KIF5C: variants seen among roughly 807,000 people sequenced by gnomAD.
KIF5C encodes the protein kinesin family member 5C, also known as kinesin heavy chain isoform 5C.
A neutral mutation model predicts 125.2 loss-of-function variants in KIF5C; 18 were observed. That is an observed-to-expected ratio of 0.14 (90% CI 0.10 to 0.21). The LOEUF is 0.21. Ranked by LOEUF, KIF5C falls within the 10% of genes least tolerant of loss-of-function variation. The probability of loss-of-function intolerance (pLI) is 1.00; values close to 1 mark genes in which losing one functional copy is unlikely to be tolerated. For synonymous variants in KIF5C, 405 were observed against 434.0 expected (o/e 0.93, Z 0.83); for missense variants, 780 against 1,183.8 (o/e 0.66, Z 5.01).
intron 4 of KIF5C, 59 bp downstream of exon 4, chr2:148,937,447 A>G (rs878980616): frequency 3.9e-6 from 6 of 1,521,410 alleles, no homozygotes; most frequent in Admixed American, 2.2e-5. Flanking sequence ...CGTTTCTTAT[A>G]CCTCCTCCTT....
chr2:148,890,082 A>G (rs1027232955), intron 1 of KIF5C, among the ~76,000 whole-genome samples: 2 of 152,196 alleles, frequency 1.3e-5, no homozygotes, highest in African/African-American at 4.8e-5. Context: ...CTTAACTATC[A>G]TGTTGAGTAC....
intron 7 of KIF5C, among the ~76,000 whole-genome samples, chr2:148,944,069 A>G (rs1299840576): frequency 3.3e-5 from 5 of 152,202 alleles, no homozygotes; most frequent in Admixed American, 3.3e-4. Context: ...GGCATACCTG[A>G]TAATCCATTT....
At position 149,005,927 on chromosome 2, in the gene KIF5C, A is replaced by G. The variant is rs1435373810; in HGVS notation, c.2445+463A>G. On this transcript the variant is annotated intron_variant, in intron 22 of 25. Transcript: ENST00000435030. ...TATTTGCTTTTCCCAGCAACCATGTAAGTGGTGCTTAGTGTTCCTGTTTCT... is the reference window on the plus strand; with the variant it reads ...TATTTGCTTTTCCCAGCAACCATGTGAGTGGTGCTTAGTGTTCCTGTTTCT... Among the ~76,000 whole-genome samples the G allele has an allele frequency of 2.6e-5, 4 of 152,194 alleles. No individual in the cohort carries two copies. In the South Asian group the frequency reaches 8.3e-4, roughly 32 times the overall value.
intron 11 of KIF5C, among the ~76,000 whole-genome samples, chr2:148,966,296 A>G (rs1230106347): frequency 6.6e-6 from 1 of 152,028 alleles, no homozygotes; most frequent in African/African-American, 2.4e-5. Flanking sequence ...TGGCTGCTAT[A>G]CTTCAGCTGC....
At chr2:148,905,040 A>G (rs150106456) in intron 1 of KIF5C, among the ~76,000 whole-genome samples, 115 of 152,326 alleles carry the variant, frequency 7.5e-4, no homozygotes, top group African/African-American at 2.7e-3. Flanking sequence ...TTGACATGCA[A>G]TGTTTCTAGC....
At chr2:148,921,629 A>T (rs751706315) in intron 1 of KIF5C, among the ~76,000 whole-genome samples, 5 of 152,190 alleles carry the variant, frequency 3.3e-5, no homozygotes, top group Non-Finnish European at 5.9e-5. Flanking sequence ...CTGTAAAGAT[A>T]CACTTAAGTG....
intron 12 of KIF5C, among the ~76,000 whole-genome samples, chr2:148,974,018 C>T (rs144692132): frequency 3.9e-5 from 6 of 152,238 alleles, no homozygotes; most frequent in East Asian, 3.9e-4. Context: ...GCTCTTTTCA[C>T]GGGTATATTC....
intron 2 of KIF5C, 28 bp downstream of exon 2, chr2:148,922,255 G>A (rs1170621986): frequency 6.9e-7 from 1 of 1,453,430 alleles, no homozygotes; most frequent in Admixed American, 1.8e-5. Context: ...ATTTCCTCCT[G>A]GGCCATTCAG....
At chr2:148,954,161 T>C (rs1682737409) in intron 10 of KIF5C, among the ~76,000 whole-genome samples, 1 of 152,050 alleles carries the variant, frequency 6.6e-6, no homozygotes, top group South Asian at 2.1e-4. Flanking sequence ...GAATGATGGT[T>C]TCCAGCATTC....
intron 7 of KIF5C, among the ~76,000 whole-genome samples, chr2:148,944,531 C>T (rs1307303552): frequency 5.3e-5 from 8 of 152,248 alleles, no homozygotes; most frequent in Admixed American, 3.3e-4. Flanking sequence ...TTAAAAAATT[C>T]GTTTAACCAT....
chr2:148,983,074 G>A (rs1376707990), intron 14 of KIF5C, among the ~76,000 whole-genome samples: 5 of 152,050 alleles, frequency 3.3e-5, no homozygotes, highest in Non-Finnish European at 7.4e-5. Context: ...GGTGAAGGGT[G>A]TTTAATTCAG....
rs753080097 is a variant in KIF5C at position 148,994,404 on chromosome 2, TTTTTGC to T, written c.1906-14_1906-9del. On this transcript the variant is annotated splice_polypyrimidine_tract_variant and intron_variant, in intron 16 of 25. Coordinates refer to ENST00000435030, the MANE Select transcript of KIF5C (RefSeq NM_004522.3). ...CCACTTGCTAGTCATTCACTCTTCC[TTTTTGC>T]TTGTTTAAAGCACGAAGCCAAGATC... The T allele has an allele frequency of 6.4e-7, 1 of 1,551,382 alleles. No individual in the cohort carries two copies. The highest frequency in any genetic ancestry group is 8.7e-7 in the Non-Finnish European group (1 of 1,147,250).
chr2:148,959,552 C>T (rs575294476), intron 10 of KIF5C, among the ~76,000 whole-genome samples: 3 of 152,242 alleles, frequency 2.0e-5, no homozygotes, highest in South Asian at 2.1e-4. Flanking sequence ...GTGAAGGCCC[C>T]GCTTGCCCCA....
rs562537773 is a variant in KIF5C at position 148,932,375 on chromosome 2, C to G, written c.291+3021C>G. 1.8e-4 allele frequency among the ~76,000 whole-genome samples: 28 copies of G among 152,300 alleles called. 1 individual carries two copies. The South Asian group carries it at 5.8e-3, about 32-fold the overall frequency. ...CCTTGTATTGAGGGGAACAAACAGA[C>G]AAGCCTACATAAAATTGGAAATATT... On this transcript the variant is annotated intron_variant, in intron 3 of 25. Coordinates refer to ENST00000435030, the MANE Select transcript of KIF5C (RefSeq NM_004522.3).
intron 24 of KIF5C, 77 bp from the exon 25 acceptor site, chr2:149,011,493 T>G: frequency 1.2e-5 from 19 of 1,560,698 alleles, no homozygotes; most frequent in Non-Finnish European, 1.6e-5. Context: ...TTGTCACAGG[T>G]GACCTGTAGA....
chr2:148,922,838 T>TAGCC (rs1296748891), intron 2 of KIF5C, among the ~76,000 whole-genome samples: 13 of 152,208 alleles, frequency 8.5e-5, no homozygotes, highest in Non-Finnish European at 1.6e-4. Context: ...TCCAAACAGG[T>TAGCC]AGCCTCAAGC....
intron 3 of KIF5C, among the ~76,000 whole-genome samples, chr2:148,934,219 C>T (rs1264360800): frequency 6.7e-6 from 1 of 149,360 alleles, no homozygotes; most frequent in Non-Finnish European, 1.5e-5. Context: ...CCTCCACATA[C>T]ATCATACATA....
At chr2:148,953,010 A>G (rs1359059062) in intron 10 of KIF5C, among the ~76,000 whole-genome samples, 2 of 152,250 alleles carry the variant, frequency 1.3e-5, no homozygotes, top group African/African-American at 4.8e-5. Flanking sequence ...GGAATGAACA[A>G]ATAAAAAATG....
At chr2:148,911,808 TTA>T (rs1681349181) in intron 1 of KIF5C, among the ~76,000 whole-genome samples, 2 of 152,158 alleles carry the variant, frequency 1.3e-5, no homozygotes, top group South Asian at 4.1e-4. Context: ...TAAACAATTA[TTA>T]CCCTAGATTG....
Sources: gnomAD v4.1 joint callset for allele counts (sites outside exome capture counted in the v4.1 genomes callset) on GRCh38, gnomAD v4.1.1 for gene constraint, MANE v1.5 for transcripts, NCBI Gene and HGNC (gene_info 2026-07-23, HGNC 2026-07-21) for gene names.